RGSL1: variants seen among roughly 807,000 people sequenced by gnomAD.
The protein encoded by RGSL1 is regulator of G protein signaling like 1.
Under a neutral mutation model 124.7 loss-of-function variants are expected in RGSL1, and 97 were observed. The ratio of observed to expected loss-of-function variants is 0.78; its 90% CI spans 0.66 to 0.92. The LOEUF (loss-of-function observed/expected upper bound fraction) is 0.92. RGSL1 is among the 40% of genes least tolerant of loss of function. The pLI is 0.00. For synonymous variants in RGSL1, 424 were observed against 438.1 expected (o/e 0.97, Z 0.40); for missense variants, 1,233 against 1,288.4 (o/e 0.96, Z 0.66).
intron 8 of RGSL1, among the ~76,000 whole-genome samples, chr1:182,492,087 A>G (rs993613971): frequency 2.0e-5 from 3 of 152,230 alleles, no homozygotes; most frequent in African/African-American, 7.2e-5. Context: ...AGGTAAGTTA[A>G]TTCTGAAAGT....
At chr1:182,542,263 T>G (rs4119585) in intron 15 of RGSL1, among the ~76,000 whole-genome samples, 78,724 of 151,990 alleles carry the variant, frequency 0.52, 20,660 homozygotes, top group Non-Finnish European at 0.55. Context: ...AGGTGTCTGG[T>G]TTCATTCTGC....
At chr1:182,513,619 T>C (rs1480663176) in intron 9 of RGSL1, among the ~76,000 whole-genome samples, 1 of 152,186 alleles carries the variant, frequency 6.6e-6, no homozygotes, top group Non-Finnish European at 1.5e-5. Flanking sequence ...GTTTGTGGAC[T>C]TGCATGGTGA....
rs1257058900 is a variant in RGSL1, at chr1:182,522,142, T to G, written c.1931+33T>G. The stretch of plus-strand genomic sequence containing the variant: ...ATAGAATCTGTTTACAGCAACATCT[T>G]CAGGTACATGCTTTTGAAAAACCTC... On this transcript the variant is annotated intron_variant, in intron 10 of 21. Transcript: ENST00000294854. 14 of 1,427,832 alleles carry G rather than the reference T, an allele frequency of 9.8e-6. No homozygotes were observed. In the Admixed American group the frequency reaches 3.0e-4, roughly 30 times the overall value. 88.4% of individuals were successfully genotyped at this position (1,427,832 alleles called of 1,614,324 possible). A position where few individuals can be genotyped will look rare whatever the true frequency, so the allele number is the denominator to read the frequency against.
Position 182,501,295 on chromosome 1 carries a change from CTT to C in RGSL1, c.1825+8171_1825+8172del, listed in dbSNP as rs1434758827. ...TTCTTTCTTTTTTTTCTTTTCTTTT[CTT>C]TTTTCTTTTCTTTTTTTTTTTTTTT... On this transcript the variant is annotated intron_variant, in intron 9 of 21. Coordinates refer to ENST00000294854, the MANE Select transcript of RGSL1 (RefSeq NM_001137669.2). Among the ~76,000 whole-genome samples the C allele has an allele frequency of 3.8e-3, 388 of 102,208 alleles. 1 individual carries two copies. Among genetic ancestry groups the C allele is most frequent in the African/African-American group, 0.013 (365 of 27,562 alleles). 67.1% of individuals were successfully genotyped at this position (102,208 alleles called of 152,430 possible). A position where few individuals can be genotyped will look rare whatever the true frequency, so the allele number is the denominator to read the frequency against.
At chr1:182,458,049 C>G (rs1218949330) in intron 2 of RGSL1, among the ~76,000 whole-genome samples, 2 of 152,214 alleles carry the variant, frequency 1.3e-5, no homozygotes, top group African/African-American at 4.8e-5. Context: ...GCAAATAGCT[C>G]TCAGGTCGGC....
At chr1:182,535,213 C>G (rs1163908959) in intron 14 of RGSL1, among the ~76,000 whole-genome samples, 1 of 152,168 alleles carries the variant, frequency 6.6e-6, no homozygotes, top group East Asian at 1.9e-4. Context: ...ATCACAGATG[C>G]AACCCCTATC....
At chr1:182,507,566 T>C (rs191017216) in intron 9 of RGSL1, among the ~76,000 whole-genome samples, 3 of 152,244 alleles carry the variant, frequency 2.0e-5, no homozygotes, top group African/African-American at 7.2e-5. Flanking sequence ...GATTTCATTC[T>C]TTTTTGTGGC....
chr1:182,485,681 T>C (rs544607938), intron 6 of RGSL1, among the ~76,000 whole-genome samples: 92 of 152,298 alleles, frequency 6.0e-4, no homozygotes, highest in African/African-American at 2.1e-3. Flanking sequence ...TACTGACAAG[T>C]GCAGAGCCAG....
chr1:182,495,065 C>T (rs1269269326), intron 9 of RGSL1, among the ~76,000 whole-genome samples: 1 of 152,150 alleles, frequency 6.6e-6, no homozygotes, highest in Admixed American at 6.5e-5. Flanking sequence ...CTGCTCTTTC[C>T]AGAATAGAAG....
chr1:182,528,457 C>A (rs993579348), intron 11 of RGSL1, among the ~76,000 whole-genome samples: 2 of 152,146 alleles, frequency 1.3e-5, no homozygotes, highest in Non-Finnish European at 2.9e-5. Context: ...TGAGATAAGG[C>A]AAGTCCCTTC....
At chr1:182,480,684 G>T (rs982841179) in intron 6 of RGSL1, among the ~76,000 whole-genome samples, 8 of 152,104 alleles carry the variant, frequency 5.3e-5, no homozygotes, top group Middle Eastern at 3.4e-3. Flanking sequence ...TCAAACTCCC[G>T]ACCTCAGGCG....
At chr1:182,497,960 A>G (rs539326307) in intron 9 of RGSL1, among the ~76,000 whole-genome samples, 19 of 152,102 alleles carry the variant, frequency 1.2e-4, no homozygotes, top group Non-Finnish European at 2.9e-5. Context: ...TCCTGGCCTC[A>G]AGAGATCTTG....
chr1:182,544,745 T>C (rs1409198577), intron 15 of RGSL1, among the ~76,000 whole-genome samples: 1 of 152,130 alleles, frequency 6.6e-6, no homozygotes, highest in East Asian at 1.9e-4. Flanking sequence ...CATTATATAA[T>C]AACTATGTCT....
intron 9 of RGSL1, among the ~76,000 whole-genome samples, chr1:182,497,476 A>G (rs1656021447): frequency 1.3e-5 from 2 of 151,892 alleles, no homozygotes; most frequent in Admixed American, 1.3e-4. Flanking sequence ...TATAGAAAAA[A>G]AAGTACAGGA....
chr1:182,500,918 G>T (rs1024554220), intron 9 of RGSL1, among the ~76,000 whole-genome samples: 26 of 152,138 alleles, frequency 1.7e-4, no homozygotes, highest in Non-Finnish European at 3.2e-4. Flanking sequence ...ACATTAGATT[G>T]TGTCACGTGT....
intron 10 of RGSL1, among the ~76,000 whole-genome samples, chr1:182,525,010 A>G (rs539244178): frequency 2.4e-3 from 359 of 152,290 alleles, no homozygotes; most frequent in Non-Finnish European, 3.4e-3. Context: ...TAAGAATTAA[A>G]AAGAGAAAAA....
In RGSL1 at chr1:182,540,290, C is replaced by A; in HGVS notation, c.2538C>A (p.Pro846=). ...ACACATCGGGACGTTCAGCTCCACC[C>A]TCCACAAATGTCCGGAGTGCAGACC... ...AHNTSGRSAP[P]STNVRSADQE... The change falls in exon 15 of 22, where the codon CCC becomes CCA. Residue 846 remains proline, a synonymous_variant. Coordinates refer to ENST00000294854, the MANE Select transcript of RGSL1 (RefSeq NM_001137669.2). The A allele has an allele frequency of 6.4e-7, 1 of 1,551,480 alleles. No individual in the cohort carries two copies. Among genetic ancestry groups the A allele is most frequent in the Admixed American group, 2.0e-5 (1 of 50,962 alleles).
intron 9 of RGSL1, among the ~76,000 whole-genome samples, chr1:182,499,422 G>A (rs1656184428): frequency 6.6e-6 from 1 of 152,138 alleles, no homozygotes; most frequent in African/African-American, 2.4e-5. Context: ...TTACCATTAT[G>A]TGATGCCTTT....
rs1169123078 is a variant in RGSL1 at position 182,527,713 on chromosome 1, T to C, written c.2066T>C (p.Ile689Thr). The C allele has an allele frequency of 2.6e-6, 4 of 1,551,004 alleles. No homozygotes were observed. The Admixed American group carries it at 5.9e-5, about 23-fold the overall frequency. The change falls in exon 11 of 22, where the codon ATT becomes ACT. Residue 689 changes from isoleucine to threonine, a missense_variant. Transcript: ENST00000294854. ...ATCAGTATAGAGACCAATGAAAAGA[T>C]TTGCAAGTCTCTCATAGAAAATGTA... ...QKISIETNEKICKSLIENVIK... is the reference protein window; with the variant it reads ...QKISIETNEKTCKSLIENVIK...
Sources: allele counts gnomAD v4.1 joint callset (sites outside exome capture counted in the v4.1 genomes callset), GRCh38; gene constraint gnomAD v4.1.1; transcripts MANE v1.5; gene names NCBI Gene and HGNC (gene_info 2026-07-23, HGNC 2026-07-21).